Variants in SMPD3 observed in about 807,000 individuals in gnomAD.
SMPD3 encodes the protein nSMase-2.
Under a neutral mutation model 55.7 loss-of-function variants are expected in SMPD3, and 21 were observed. The observed-to-expected ratio is 0.38, with a 90% confidence interval of 0.27 to 0.54. The LOEUF (loss-of-function observed/expected upper bound fraction) is 0.54, where lower values mean the gene tolerates loss of function less well. Ranked by LOEUF, SMPD3 falls within the 20% of genes least tolerant of loss-of-function variation. The pLI, the probability that SMPD3 is intolerant of heterozygous loss-of-function variation, is 0.80. For synonymous variants in SMPD3, 457 were observed against 404.3 expected, an observed-to-expected ratio of 1.13 and a Z score of -1.56; for missense variants, 842 against 899.6, an observed-to-expected ratio of 0.94 and a Z score of 0.82.
rs1375621765 is a variant in SMPD3, at chr16:68,447,682, T to C, written c.-269+671A>G. Among the ~76,000 whole-genome samples, 1 of 151,786 alleles carries C rather than the reference T, an allele frequency of 6.6e-6. No homozygotes were observed. The highest frequency in any genetic ancestry group is 2.4e-5 in the African/African-American group (1 of 41,246). On this transcript the variant is annotated intron_variant, in intron 1 of 8. Coordinates refer to ENST00000219334, the MANE Select transcript of SMPD3 (RefSeq NM_018667.4). The surrounding 1 kb of genome is among the most constrained non-coding windows in gnomAD (Gnocchi z 5.1). ...GGTCTCCCAGCGTTTCCCTGCCACA[T>C]TCCAATTCCACCCTTCACCAGTAAC...
rs769740412 is a variant in SMPD3 at position 68,360,648 on chromosome 16, C to T, written c.*558G>A. On this transcript the variant is annotated 3_prime_UTR_variant, in exon 9 of 9. Transcript: ENST00000219334. ...CTGGTAGAGATGCAGCCCTCGGACC[C>T]TGCAGGAGCCGGCCCACACTGGAGG... 4 of 155,808 alleles carry T rather than the reference C, an allele frequency of 2.6e-5. No individual in the cohort carries two copies. The South Asian group carries it at 7.8e-4, about 31-fold the overall frequency. The allele number at this position is 155,808 out of a possible 1,614,324, so 9.7% of individuals were successfully genotyped here.
chr16:68,444,517 T>G (rs2090594944), intron 1 of SMPD3, among the ~76,000 whole-genome samples: 1 of 67,808 alleles, frequency 1.5e-5, no homozygotes. Context: ...TTCTATGAAC[T>G]CCAAGAATTT....
chr16:68,390,064 A>T (rs1027578128), intron 1 of SMPD3, among the ~76,000 whole-genome samples: 1 of 152,182 alleles, frequency 6.6e-6, no homozygotes, highest in African/African-American at 2.4e-5. Flanking sequence ...TTTTCCAGGA[A>T]GGGGGTGGGC....
rs113040425 is a variant in SMPD3, at chr16:68,435,592, G to A, written c.-269+12761C>T. On this transcript the variant is annotated intron_variant, in intron 1 of 8. Transcript: ENST00000219334. ...AGGGCTGGGGCCTGGGAAAGGCACG[G>A]TGGGGGCTGGCTGGGGTGGGAGGGA... is the stretch of plus-strand genomic sequence containing the variant. Among the ~76,000 whole-genome samples the A allele has an allele frequency of 9.6e-3, 1,464 of 152,176 alleles. 16 individuals carry two copies. The highest frequency in any genetic ancestry group is 0.024 in the Middle Eastern group (7 of 294).
chr16:68,411,251 C>T (rs2090297889), intron 1 of SMPD3, among the ~76,000 whole-genome samples: 1 of 152,252 alleles, frequency 6.6e-6, no homozygotes, highest in South Asian at 2.1e-4. Context: ...GTCCAGTGAT[C>T]ACAGAGGGGC....
intron 1 of SMPD3, among the ~76,000 whole-genome samples, chr16:68,440,299 T>G (rs993754756): frequency 6.6e-6 from 1 of 152,168 alleles, no homozygotes; most frequent in East Asian, 1.9e-4. Flanking sequence ...CATGCTCAGG[T>G]GATCCTCCCA....
intron 1 of SMPD3, among the ~76,000 whole-genome samples, chr16:68,430,900 G>A (rs745879713): frequency 6.6e-6 from 1 of 152,194 alleles, no homozygotes; most frequent in Non-Finnish European, 1.5e-5. Flanking sequence ...CGTGTCAAGT[G>A]GATAGACATG....
intron 1 of SMPD3, among the ~76,000 whole-genome samples, chr16:68,415,408 C>G (rs1014887248): frequency 6.6e-6 from 1 of 152,130 alleles, no homozygotes; most frequent in Admixed American, 6.5e-5. Flanking sequence ...GAATTCTGCC[C>G]GTTCAGCAAT....
In SMPD3 at chr16:68,371,521, C is replaced by T. The variant is rs747141024; in HGVS notation, c.661G>A (p.Gly221Ser). 3.5e-5 allele frequency: 56 copies of T among 1,600,286 alleles called. No individual in the cohort carries two copies. Among genetic ancestry groups the T allele is most frequent in the East Asian group, 4.5e-5 (2 of 44,846 alleles). Residue 221 changes from glycine (G) to serine (S), a missense_variant, in exon 3 of 9, where the codon GGT (glycine) becomes AGT (serine). Physicochemically the swap from Gly to Ser is moderately conservative, Grantham distance 56 (BLOSUM62 0). Around this residue, in one of 2 missense-constraint regions of SMPD3, gnomAD observed 649 missense variants for 643.6 expected, o/e 1.01. Coordinates refer to ENST00000219334, the MANE Select transcript of SMPD3 (RefSeq NM_018667.4). ...EYKGDGGRHP[G>S]DEAANGPASG... ...GCTGGGCCGTTGGCAGCCTCGTCAC[C>T]GGGGTGCCGCCCACCGTCACCCTTG... is the stretch of plus-strand genomic sequence containing the variant.
chr16:68,363,574 G>A lies in SMPD3; in HGVS notation c.1646-15C>T, dbSNP rs2089381249. On this transcript the variant is annotated splice_polypyrimidine_tract_variant and intron_variant, in intron 6 of 8. Coordinates refer to ENST00000219334, the MANE Select transcript of SMPD3 (RefSeq NM_018667.4). ...CAGCAGAGTACCTGGGGGGGACGAG[G>A]GGGTGACAGTGGTCGCTGCAGGCAG... 6.2e-7 allele frequency: 1 copy of A among 1,611,582 alleles called. No homozygotes were observed. The highest frequency in any genetic ancestry group is 8.5e-7 in the Non-Finnish European group (1 of 1,178,778).
At chr16:68,373,665 C>G (rs1234783045) in intron 2 of SMPD3, among the ~76,000 whole-genome samples, 1 of 152,210 alleles carries the variant, frequency 6.6e-6, no homozygotes, top group African/African-American at 2.4e-5. Flanking sequence ...TGCTGGACCC[C>G]CTGCACCGGC....
intron 1 of SMPD3, among the ~76,000 whole-genome samples, chr16:68,401,633 C>T (rs929546842): frequency 6.6e-6 from 1 of 152,102 alleles, no homozygotes; most frequent in Non-Finnish European, 1.5e-5. Context: ...ATCCCCACAC[C>T]AATAGCCTGG....
intron 1 of SMPD3, among the ~76,000 whole-genome samples, chr16:68,429,412 G>A (rs2090462890): frequency 6.6e-6 from 1 of 152,236 alleles, no homozygotes; most frequent in African/African-American, 2.4e-5. Flanking sequence ...GACTGCTATG[G>A]AAACCTTGGT....
At chr16:68,406,115 T>C (rs1278581848) in intron 1 of SMPD3, among the ~76,000 whole-genome samples, 1 of 151,376 alleles carries the variant, frequency 6.6e-6, no homozygotes, top group Non-Finnish European at 1.5e-5. Flanking sequence ...TGCCAGTCTT[T>C]CCCGTGGGGC....
At chr16:68,419,597 A>G (rs775041992) in intron 1 of SMPD3, among the ~76,000 whole-genome samples, 1 of 152,212 alleles carries the variant, frequency 6.6e-6, no homozygotes. Flanking sequence ...AGTTTTGGTA[A>G]GAGAAAAACC....
intron 1 of SMPD3, among the ~76,000 whole-genome samples, chr16:68,389,318 A>G (rs1035039182): frequency 6.6e-6 from 1 of 152,168 alleles, no homozygotes; most frequent in Admixed American, 6.5e-5. Flanking sequence ...CCTCAATCCC[A>G]CAGGCCCCAA....
chr16:68,361,484 G>T, intron 8 of SMPD3, 119 bp downstream of exon 8: 2 of 1,448,114 alleles, frequency 1.4e-6, no homozygotes, highest in Non-Finnish European at 1.9e-6. Flanking sequence ...GGGAGTGATG[G>T]GTATCATTGT....
intron 3 of SMPD3, chr16:68,367,238 C>T (rs1247955273): frequency 6.6e-6 from 1 of 152,426 alleles, no homozygotes; most frequent in Non-Finnish European, 1.5e-5. Flanking sequence ...TGAGGATCAT[C>T]TCAGGCCCAG....
rs929955867 is a variant in SMPD3, at chr16:68,361,118, C to G, written c.*88G>C. 1.6e-6 allele frequency: 2 copies of G among 1,256,140 alleles called. No individual in the cohort carries two copies. Among genetic ancestry groups the G allele is most frequent in the African/African-American group, 3.0e-5 (2 of 67,328 alleles). 77.8% of individuals were successfully genotyped at this position (1,256,140 alleles called of 1,614,324 possible). On this transcript the variant is annotated 3_prime_UTR_variant, in exon 9 of 9. Transcript: ENST00000219334. ...CCTCCCTGTCCCTGCCCTCCTCCCC[C>G]AAGCACCGGGCACTCGATGGAGGGG...
Sources: allele counts gnomAD v4.1 joint callset (sites outside exome capture counted in the v4.1 genomes callset), GRCh38; gene constraint gnomAD v4.1.1; regional missense constraint gnomAD v4.1.1; non-coding constraint Gnocchi (gnomAD v3.1); transcripts MANE v1.5; gene names NCBI Gene and HGNC (gene_info 2026-07-23, HGNC 2026-07-21).